The following SLC2A13 variants were observed in gnomAD, a reference collection of about 807,000 sequenced individuals.
SLC2A13 encodes the protein solute carrier family 2 member 13.
A neutral mutation model predicts 64.4 loss-of-function variants in SLC2A13; 32 were observed. The observed-to-expected ratio is 0.50, with a 90% CI of 0.37 to 0.67. The LOEUF (loss-of-function observed/expected upper bound fraction) is 0.67, where lower values mean the gene tolerates loss of function less well. SLC2A13 is among the 30% of genes least tolerant of loss of function. The pLI is 0.00. For missense variants in SLC2A13, 743 were observed against 829.2 expected (o/e 0.90, Z 1.28); for synonymous variants, 338 against 327.1 (o/e 1.03, Z -0.36).
rs757890895 is a variant in SLC2A13 at position 40,096,302 on chromosome 12, GT to G, written c.556+8950del. Among the ~76,000 whole-genome samples the G allele has an allele frequency of 7.2e-4, 109 of 151,988 alleles. 2 individuals are homozygous for G. Among genetic ancestry groups the G allele is most frequent in the Non-Finnish European group, 3.4e-4 (23 of 67,960 alleles). On this transcript the variant is annotated intron_variant, in intron 1 of 9. Transcript: ENST00000280871. ...ATTTTCACCTGTAATTAGTAACAAG[GT>G]TTAACACTTTCCCAAGAGTCTATTT...
intron 2 of SLC2A13, among the ~76,000 whole-genome samples, chr12:40,043,102 T>A (rs1948118343): frequency 6.6e-6 from 1 of 152,040 alleles, no homozygotes; most frequent in African/African-American, 2.4e-5. Flanking sequence ...CTACAAGCCA[T>A]GATAAAGAAT....
chr12:39,802,855 A>G (rs1020300470), intron 7 of SLC2A13, among the ~76,000 whole-genome samples: 1 of 152,180 alleles, frequency 6.6e-6, no homozygotes. Context: ...TGAGATTTCA[A>G]TGAATAATCT....
chr12:39,922,019 T>C (rs774709373), intron 4 of SLC2A13, among the ~76,000 whole-genome samples: 1 of 152,158 alleles, frequency 6.6e-6, no homozygotes, highest in Non-Finnish European at 1.5e-5. Context: ...CCTACATTTG[T>C]AGGGTGACAG....
chr12:39,894,391 CTTA>C lies in SLC2A13; in HGVS notation c.1035-22433_1035-22431del, dbSNP rs1944687441. ...ATATCACAACAATATTTTTCTTAAA[CTTA>C]TTATTTCACCCATAATGAACATTCA... On this transcript the variant is annotated intron_variant, in intron 4 of 9. Coordinates refer to ENST00000280871, the MANE Select transcript of SLC2A13 (RefSeq NM_052885.4). 2.6e-5 allele frequency among the ~76,000 whole-genome samples: 4 copies of C among 152,282 alleles called. No individual in the cohort carries two copies. The South Asian group carries it at 8.3e-4, about 32-fold the overall frequency.
chr12:39,863,260 G>A (rs1404348993), intron 6 of SLC2A13, among the ~76,000 whole-genome samples: 2 of 152,134 alleles, frequency 1.3e-5, no homozygotes, highest in Admixed American at 6.5e-5. Flanking sequence ...ATAAACTGCT[G>A]TGCAGTGAGA....
At chr12:40,026,387 G>A (rs932131372) in intron 3 of SLC2A13, among the ~76,000 whole-genome samples, 2 of 152,150 alleles carry the variant, frequency 1.3e-5, no homozygotes, top group Non-Finnish European at 2.9e-5. Context: ...GCAAAGGGGT[G>A]CTATTTAGCT....
At position 40,105,272 on chromosome 12, in the gene SLC2A13, C is replaced by T; in HGVS notation, c.537G>A (p.Leu179=). 1 of 1,596,442 alleles carries T rather than the reference C, an allele frequency of 6.3e-7. No homozygotes were observed. Among genetic ancestry groups the T allele is most frequent in the Non-Finnish European group, 8.5e-7 (1 of 1,173,992 alleles). Residue 179 remains leucine (L), a synonymous_variant, in exon 1 of 10, where the codon CTG becomes CTA. Coordinates refer to ENST00000280871, the MANE Select transcript of SLC2A13 (RefSeq NM_052885.4). The surrounding 1 kb of genome is among the most constrained non-coding windows in gnomAD (Gnocchi z 4.2). ...ACTCACCGATGCCGAGTCCCACGACCAGGCGGCCGGCGAGCAGTGTCTCCT... is the reference window on the plus strand; with the variant it reads ...ACTCACCGATGCCGAGTCCCACGACTAGGCGGCCGGCGAGCAGTGTCTCCT... ...NNKETLLAGR[L]VVGLGIGIAS...
chr12:39,907,312 T>C (rs1322413412), intron 4 of SLC2A13, among the ~76,000 whole-genome samples: 1 of 152,160 alleles, frequency 6.6e-6, no homozygotes, highest in Non-Finnish European at 1.5e-5. Context: ...TTCATAGATG[T>C]AGTGAGCAAA....
intron 2 of SLC2A13, among the ~76,000 whole-genome samples, chr12:40,040,636 C>A (rs1948071345): frequency 6.6e-6 from 1 of 152,180 alleles, no homozygotes; most frequent in African/African-American, 2.4e-5. Context: ...AGGTGATCCA[C>A]CAGCTTTGGC....
Position 39,951,327 on chromosome 12 carries a change from T to C in SLC2A13, c.964A>G (p.Thr322Ala), listed in dbSNP as rs1361160986. The change falls in exon 4 of 10, where the codon ACT becomes GCT. Residue 322 changes from threonine to alanine, a missense_variant. Physicochemically the swap from Thr to Ala is moderately conservative, Grantham distance 58. Transcript: ENST00000280871. ...VICRMLSYPP[T>A]RRALIVGCGL... ...CAACCCACAATTAAAGCTCGGCGAG[T>C]TGGGGGATAACTCAGCATTCTGCAG... 1 of 1,611,262 alleles carries C rather than the reference T, an allele frequency of 6.2e-7. No homozygotes were observed.
chr12:40,073,689 A>C (rs1938052763), intron 1 of SLC2A13, among the ~76,000 whole-genome samples: 1 of 151,936 alleles, frequency 6.6e-6, no homozygotes, highest in South Asian at 2.1e-4. Flanking sequence ...TTCTCTCAAC[A>C]CTTTAAATAT....
intron 4 of SLC2A13, among the ~76,000 whole-genome samples, chr12:39,883,126 T>C (rs1326530172): frequency 1.3e-5 from 2 of 152,212 alleles, no homozygotes; most frequent in Non-Finnish European, 2.9e-5. Context: ...CAGTGTTAAG[T>C]ATATATCATT....
intron 3 of SLC2A13, among the ~76,000 whole-genome samples, chr12:39,993,999 T>C (rs192003198): frequency 5.9e-5 from 9 of 152,344 alleles, no homozygotes; most frequent in Admixed American, 5.9e-4. Flanking sequence ...AAACAGGTTC[T>C]GGTATCCACT....
At chr12:39,820,800 C>T (rs1213403225) in intron 7 of SLC2A13, among the ~76,000 whole-genome samples, 2 of 92,498 alleles carry the variant, frequency 2.2e-5, no homozygotes, top group Non-Finnish European at 4.4e-5. Context: ...AAAATGCAAG[C>T]ACCATTCTTC....
At chr12:39,898,399 T>C (rs1387355404) in intron 4 of SLC2A13, among the ~76,000 whole-genome samples, 1 of 152,058 alleles carries the variant, frequency 6.6e-6, no homozygotes, top group Admixed American at 6.6e-5. Context: ...TGCTAGAAAA[T>C]CCTTGATTTA....
intron 1 of SLC2A13, among the ~76,000 whole-genome samples, chr12:40,075,960 T>C (rs1351119455): frequency 6.6e-6 from 1 of 152,208 alleles, no homozygotes; most frequent in Admixed American, 6.6e-5. Flanking sequence ...TTTCCATTCA[T>C]TGCAAGTGTT....
At chr12:39,891,910 TA>T (rs756501148) in intron 4 of SLC2A13, among the ~76,000 whole-genome samples, 3 of 152,172 alleles carry the variant, frequency 2.0e-5, no homozygotes, top group Admixed American at 2.0e-4. Flanking sequence ...ATGGTTTTTC[TA>T]AAAAAATTAT....
intron 4 of SLC2A13, among the ~76,000 whole-genome samples, chr12:39,900,502 A>C (rs1454632989): frequency 6.6e-6 from 1 of 152,108 alleles, no homozygotes; most frequent in Non-Finnish European, 1.5e-5. Context: ...TCAGGATACA[A>C]AATCAATGTG....
intron 4 of SLC2A13, among the ~76,000 whole-genome samples, chr12:39,884,151 T>C (rs902887704): frequency 1.3e-5 from 2 of 152,178 alleles, no homozygotes; most frequent in Admixed American, 6.5e-5. Flanking sequence ...TGTATGTATG[T>C]AGAGATGGGG....
Sources: allele counts gnomAD v4.1 joint callset (sites outside exome capture counted in the v4.1 genomes callset), GRCh38; gene constraint gnomAD v4.1.1; non-coding constraint Gnocchi (gnomAD v3.1); transcripts MANE v1.5; gene names NCBI Gene and HGNC (gene_info 2026-07-23, HGNC 2026-07-21).